Variants in DNAH1 observed in about 807,000 individuals in gnomAD.
The protein encoded by DNAH1 is dynein axonemal heavy chain 1.
In DNAH1, 327 loss-of-function variants were observed where a neutral mutation model predicts 484.3. The ratio of observed to expected loss-of-function variants is 0.68; its 90% CI spans 0.62 to 0.74. The LOEUF is 0.74. Among genes scored for constraint, DNAH1 ranks in the 30% least tolerant of loss-of-function variants. The pLI is 0.00. For synonymous variants in DNAH1, 2,192 were observed against 2,191.9 expected (o/e 1.00, Z 0.00); for missense variants, 5,052 against 5,546.8 (o/e 0.91, Z 2.83).
At chr3:52,351,498 T>TCCCTA (rs1278327513) in intron 16 of DNAH1, among the ~76,000 whole-genome samples, 43 of 152,258 alleles carry the variant, frequency 2.8e-4, no homozygotes, top group African/African-American at 9.4e-4. Flanking sequence ...CAGCTGCAGG[T>TCCCTA]GGAAGCCCCA....
At chr3:52,393,306 G>T (rs368860156) in intron 65 of DNAH1, 28 bp from the exon 66 acceptor site, 1 of 1,611,634 alleles carries the variant, frequency 6.2e-7, no homozygotes, top group Admixed American at 1.7e-5. Flanking sequence ...TCACCTCTCC[G>T]CGCTGCCATC....
At position 52,369,979 on chromosome 3, in the gene DNAH1, A is replaced by G. The variant is rs777744890; in HGVS notation, c.6098A>G (p.Tyr2033Cys). ...LRKLPPLLKP[Y>C]EEHFKALFVS... ...AAGCTGCCTCCCTTGCTGAAGCCCT[A>G]TGAGGAGCATTTCAAGGCCCTCTTT... The change falls in exon 38 of 78, where the codon TAT becomes TGT. Residue 2033 changes from tyrosine (Y) to cysteine (C), a missense_variant. Physicochemically the swap from Tyr to Cys is radical, Grantham distance 194. Coordinates refer to ENST00000420323, the MANE Select transcript of DNAH1 (RefSeq NM_015512.5). The G allele has an allele frequency of 8.7e-6, 14 of 1,613,840 alleles. No individual in the cohort carries two copies. The highest frequency in any genetic ancestry group is 1.7e-5 in the Admixed American group (1 of 60,016).
Position 52,381,388 on chromosome 3 carries a change from C to T in DNAH1, c.7609-252C>T, listed in dbSNP as rs527663572. On this transcript the variant is annotated intron_variant, in intron 48 of 77. Coordinates refer to ENST00000420323, the MANE Select transcript of DNAH1 (RefSeq NM_015512.5). The surrounding 1 kb of genome is among the most constrained non-coding windows in gnomAD (Gnocchi z 4.1). Reference sequence around the variant, plus strand: ...TTGGCTTCCCACAGTGCTGGGATTACAGGCGTGAGCCACCGCGCTAGGCCA... The same window carrying T: ...TTGGCTTCCCACAGTGCTGGGATTATAGGCGTGAGCCACCGCGCTAGGCCA... 3.9e-5 allele frequency among the ~76,000 whole-genome samples: 6 copies of T among 152,344 alleles called. No individual in the cohort carries two copies. Among genetic ancestry groups the T allele is most frequent in the Admixed American group, 2.6e-4 (4 of 15,306 alleles).
chr3:52,357,680 C>T lies in DNAH1; in HGVS notation c.3925C>T (p.Leu1309=), dbSNP rs368991233. The change falls in exon 23 of 78, where the codon CTG becomes TTG. Residue 1309 remains leucine, a synonymous_variant. Transcript: ENST00000420323. The part of the protein sequence containing the change: ...SLRDCNKILD[L]VQKGLSEYLE... ...GCGGGACTGCAACAAGATTCTGGAC[C>T]TGGTGCAGAAGGGCCTCAGCGAGTA... is the stretch of plus-strand genomic sequence containing the variant. 13 of 1,594,118 alleles carry T rather than the reference C, an allele frequency of 8.2e-6. No individual in the cohort carries two copies. The African/African-American group carries it at 9.4e-5, about 11-fold the overall frequency.
chr3:52,397,089 G>A (rs758208496), intron 73 of DNAH1, 45 bp downstream of exon 73: 1 of 1,516,352 alleles, frequency 6.6e-7, no homozygotes, highest in Middle Eastern at 1.7e-4. Flanking sequence ...CTGCCAGCCT[G>A]GGGTTCTGGG....
chr3:52,376,050 T>C, intron 46 of DNAH1, 57 bp downstream of exon 46: 1 of 1,594,320 alleles, frequency 6.3e-7, no homozygotes, highest in Non-Finnish European at 8.5e-7. Flanking sequence ...CCCTGGGCTC[T>C]GGTTGGGTGT....
intron 63 of DNAH1, among the ~76,000 whole-genome samples, chr3:52,392,076 G>A (rs1366577240): frequency 6.6e-6 from 1 of 152,224 alleles, no homozygotes; most frequent in African/African-American, 2.4e-5. Flanking sequence ...GGCCTGCTTT[G>A]TGCTAAGGCC....
chr3:52,321,626 T>G (rs940293574), intron 1 of DNAH1: 1 of 152,282 alleles, frequency 6.6e-6, no homozygotes, highest in African/African-American at 2.4e-5. Flanking sequence ...CAATAAAAAC[T>G]CTATAAACCC....
rs760485546 is a variant in DNAH1, at chr3:52,379,761, C to T, written c.7378-144C>T. 4.2e-6 allele frequency: 3 copies of T among 722,472 alleles called. No individual in the cohort carries two copies. Among genetic ancestry groups the T allele is most frequent in the South Asian group, 1.9e-5 (1 of 52,940 alleles). The allele number at this position is 722,472 out of a possible 1,614,324, so 44.8% of individuals were successfully genotyped here. On this transcript the variant is annotated intron_variant, in intron 47 of 77. Transcript: ENST00000420323. This position sits in a 1 kb window ranked among gnomAD's most constrained non-coding sequence, Gnocchi z 4.4. ...CAGTTGCACTTGCCAGCAGCCCCCACACACTGTCCCTGGGCCATGGTGGGA... is the reference window on the plus strand; with the variant it reads ...CAGTTGCACTTGCCAGCAGCCCCCATACACTGTCCCTGGGCCATGGTGGGA...
intron 8 of DNAH1, among the ~76,000 whole-genome samples, chr3:52,333,439 G>A (rs1701627548): frequency 6.8e-6 from 1 of 146,184 alleles, no homozygotes; most frequent in African/African-American, 2.6e-5. Context: ...CCAGGCTGGA[G>A]TACAGTGGCT....
chr3:52,314,951 T>C (rs556286681), upstream of DNAH1, among the ~76,000 whole-genome samples: 4 of 152,372 alleles, frequency 2.6e-5, no homozygotes, highest in East Asian at 7.7e-4. Context: ...AACTCTGTTC[T>C]ACTCCTTGCT....
At position 52,381,843 on chromosome 3, in the gene DNAH1, G is replaced by T; in HGVS notation, c.7805+7G>T. 1 of 1,573,550 alleles carries T rather than the reference G, an allele frequency of 6.4e-7. No individual in the cohort carries two copies. The highest frequency in any genetic ancestry group is 2.3e-5 in the East Asian group (1 of 42,696). ...CAAGGCTCGCCTCGCACATGTGAGC[G>T]CCTCCAGGGCGTGCTGGGCAGTGGG... On this transcript the variant is annotated splice_region_variant and intron_variant, in intron 49 of 77. Coordinates refer to ENST00000420323, the MANE Select transcript of DNAH1 (RefSeq NM_015512.5). The surrounding 1 kb of genome is among the most constrained non-coding windows in gnomAD (Gnocchi z 4.1).
rs750305711 is a variant in DNAH1, at chr3:52,381,740, G to C, written c.7709G>C (p.Arg2570Pro). The C allele has an allele frequency of 6.2e-7, 1 of 1,604,654 alleles. No individual in the cohort carries two copies. The highest frequency in any genetic ancestry group is 8.5e-7 in the Non-Finnish European group (1 of 1,176,446). The change falls in exon 49 of 78, where the codon CGC (arginine) becomes CCC (proline). Residue 2570 changes from arginine to proline, a missense_variant. Coordinates refer to ENST00000420323, the MANE Select transcript of DNAH1 (RefSeq NM_015512.5). The surrounding 1 kb of genome is among the most constrained non-coding windows in gnomAD (Gnocchi z 4.1). ...LFMDAMSHICRISRTLRQALG... is the reference protein window; with the variant it reads ...LFMDAMSHICPISRTLRQALG... Reference sequence around the variant, plus strand: ...ATGGACGCCATGAGCCACATCTGTCGCATCAGCCGCACCCTACGCCAGGCG... The same window carrying C: ...ATGGACGCCATGAGCCACATCTGTCCCATCAGCCGCACCCTACGCCAGGCG...
In DNAH1 at chr3:52,372,395, A is replaced by G. The variant is rs997381554; in HGVS notation, c.6827+8A>G. 2.5e-6 allele frequency: 4 copies of G among 1,611,826 alleles called. No homozygotes were observed. The highest frequency in any genetic ancestry group is 1.7e-5 in the Admixed American group (1 of 59,986). On this transcript the variant is annotated splice_region_variant and intron_variant, in intron 43 of 77. Coordinates refer to ENST00000420323, the MANE Select transcript of DNAH1 (RefSeq NM_015512.5). The stretch of plus-strand genomic sequence containing the variant: ...CAGCAAGCTGGACAAGAGGCAGGGC[A>G]CCCCTCCCTCCTTCCTCACCCCTGC...
At chr3:52,394,889 CAG>C in intron 67 of DNAH1, 24 bp from the exon 68 acceptor site, 2 of 1,609,750 alleles carry the variant, frequency 1.2e-6, no homozygotes, top group South Asian at 2.2e-5. Context: ...GGCTGGCTCT[CAG>C]GGAGGTGTGG....
chr3:52,322,948 C>T (rs1476098197), intron 2 of DNAH1, among the ~76,000 whole-genome samples, 173 bp downstream of exon 2: 1 of 152,180 alleles, frequency 6.6e-6, no homozygotes, highest in East Asian at 1.9e-4. Context: ...TCCATCCTTC[C>T]ATCCATTTTT....
chr3:52,379,428 G>A lies in DNAH1; in HGVS notation c.7378-477G>A, dbSNP rs76988947. 0.015 allele frequency among the ~76,000 whole-genome samples: 2,307 copies of A among 152,268 alleles called. 67 individuals carry two copies. The highest frequency in any genetic ancestry group is 0.054 in the African/African-American group (2,224 of 41,544). On this transcript the variant is annotated intron_variant, in intron 47 of 77. Coordinates refer to ENST00000420323, the MANE Select transcript of DNAH1 (RefSeq NM_015512.5). The surrounding 1 kb of genome is among the most constrained non-coding windows in gnomAD (Gnocchi z 4.4). ...AGTCCTGCCACCCAGGGAGATGCAGGGAAGCTGGGACAGAGGCGGCAGCTG... is the reference window on the plus strand; with the variant it reads ...AGTCCTGCCACCCAGGGAGATGCAGAGAAGCTGGGACAGAGGCGGCAGCTG...
intron 3 of DNAH1, among the ~76,000 whole-genome samples, chr3:52,324,515 G>T (rs970129556): frequency 1.3e-5 from 2 of 152,118 alleles, no homozygotes; most frequent in Non-Finnish European, 2.9e-5. Context: ...TGGCAGACAG[G>T]ACGTCCCCTT....
chr3:52,342,447 A>C (rs983178961), intron 8 of DNAH1, among the ~76,000 whole-genome samples: 1 of 152,264 alleles, frequency 6.6e-6, no homozygotes, highest in African/African-American at 2.4e-5. Context: ...GCCAGAGATC[A>C]TGATGGTGGC....
Sources: gnomAD v4.1 joint callset for allele counts (sites outside exome capture counted in the v4.1 genomes callset) on GRCh38, gnomAD v4.1.1 for gene constraint, Gnocchi (gnomAD v3.1) non-coding constraint, MANE v1.5 for transcripts, NCBI Gene and HGNC (gene_info 2026-07-23, HGNC 2026-07-21) for gene names.